Variants in SGCZ observed in about 807,000 individuals in gnomAD.
SGCZ encodes zeta-sarcoglycan.
In SGCZ, 40 loss-of-function variants were observed where a neutral mutation model predicts 41.3. The ratio of observed to expected loss-of-function variants is 0.97; its 90% CI spans 0.75 to 1.26. The LOEUF is 1.26. SGCZ is among the 50% of genes most tolerant of loss of function. The probability of loss-of-function intolerance (pLI) is 0.00; values close to 1 mark genes in which losing one functional copy is unlikely to be tolerated. For missense variants in SGCZ, 552 were observed against 369.8 expected, an observed-to-expected ratio of 1.49 and a Z score of -4.04; for synonymous variants, 206 against 137.5, an observed-to-expected ratio of 1.50 and a Z score of -3.49.
At chr8:14,546,240 A>G (rs911273692) in intron 2 of SGCZ, among the ~76,000 whole-genome samples, 2 of 152,122 alleles carry the variant, frequency 1.3e-5, no homozygotes, top group African/African-American at 4.8e-5. Flanking sequence ...ACGCCCTAGA[A>G]GGTGGAGCCC....
chr8:14,544,182 C>T (rs913284162), intron 2 of SGCZ, among the ~76,000 whole-genome samples: 1 of 152,110 alleles, frequency 6.6e-6, no homozygotes, highest in African/African-American at 2.4e-5. Flanking sequence ...GGACATTTAT[C>T]AGTTCCCAAA....
Position 15,183,243 on chromosome 8 carries a change from T to C in SGCZ, c.39+54342A>G, listed in dbSNP as rs148909434. Among the ~76,000 whole-genome samples the C allele has an allele frequency of 2.8e-3, 434 of 152,370 alleles. 3 individuals carry two copies. Among genetic ancestry groups the C allele is most frequent in the Non-Finnish European group, 4.4e-3 (301 of 68,032 alleles). ...CATAAACCAGTAACATAGTCATTTA[T>C]TATCAAGTATTATATACTGTACATA... On this transcript the variant is annotated intron_variant, in intron 1 of 7. Coordinates refer to ENST00000382080, the MANE Select transcript of SGCZ (RefSeq NM_139167.4).
intron 1 of SGCZ, among the ~76,000 whole-genome samples, chr8:15,199,018 A>G (rs1800817490): frequency 6.6e-6 from 1 of 152,184 alleles, no homozygotes; most frequent in Admixed American, 6.5e-5. Context: ...CTACCATATG[A>G]GAGTATTAAT....
At chr8:14,440,076 G>A (rs1800203517) in intron 2 of SGCZ, among the ~76,000 whole-genome samples, 1 of 151,692 alleles carries the variant, frequency 6.6e-6, no homozygotes, top group South Asian at 2.1e-4. Flanking sequence ...TATGATTTAG[G>A]TCCAACTGTG....
chr8:15,136,085 G>A (rs1808094907), intron 1 of SGCZ, among the ~76,000 whole-genome samples: 2 of 152,080 alleles, frequency 1.3e-5, no homozygotes. Context: ...TGGTGGGCAT[G>A]GCTTATGGAA....
intron 1 of SGCZ, among the ~76,000 whole-genome samples, chr8:14,712,728 C>T (rs1809561736): frequency 6.6e-6 from 1 of 152,092 alleles, no homozygotes; most frequent in African/African-American, 2.4e-5. Context: ...TTTTATTTTC[C>T]TGGTTATTTA....
At chr8:15,103,922 T>A (rs1371449217) in intron 1 of SGCZ, among the ~76,000 whole-genome samples, 1 of 152,180 alleles carries the variant, frequency 6.6e-6, no homozygotes. Context: ...AAGTGTTGAT[T>A]AGTGGAAACT....
At chr8:15,199,635 A>G (rs191302780) in intron 1 of SGCZ, among the ~76,000 whole-genome samples, 1 of 152,282 alleles carries the variant, frequency 6.6e-6, no homozygotes, top group Non-Finnish European at 1.5e-5. Flanking sequence ...TCCAGCTGAT[A>G]CCCCTCTACA....
chr8:14,246,623 A>G (rs545644255), intron 3 of SGCZ, among the ~76,000 whole-genome samples: 22 of 151,916 alleles, frequency 1.4e-4, no homozygotes, highest in African/African-American at 5.3e-4. Flanking sequence ...AATAAAAAGT[A>G]AAAGCTGGGC....
intron 1 of SGCZ, among the ~76,000 whole-genome samples, chr8:14,885,280 T>C (rs1294390228): frequency 2.0e-5 from 3 of 152,246 alleles, no homozygotes; most frequent in South Asian, 2.1e-4. Flanking sequence ...GCACAGTGGA[T>C]GATTCATAGT....
chr8:15,032,187 C>G (rs997700821), intron 1 of SGCZ, among the ~76,000 whole-genome samples: 6 of 152,040 alleles, frequency 3.9e-5, no homozygotes, highest in Non-Finnish European at 7.4e-5. Flanking sequence ...GCTCACACCC[C>G]ACAGAAACAT....
At chr8:15,020,356 G>C (rs1803205181) in intron 1 of SGCZ, among the ~76,000 whole-genome samples, 2 of 152,118 alleles carry the variant, frequency 1.3e-5, no homozygotes, top group Non-Finnish European at 2.9e-5. Flanking sequence ...TCTGTCCTAT[G>C]AAACAATACA....
intron 1 of SGCZ, among the ~76,000 whole-genome samples, chr8:15,194,065 T>C (rs1054661401): frequency 6.6e-6 from 1 of 152,170 alleles, no homozygotes; most frequent in African/African-American, 2.4e-5. Context: ...TTTTTCTTAA[T>C]AGAGTTTAAG....
At chr8:14,622,042 GT>G (rs1343422332) in intron 1 of SGCZ, among the ~76,000 whole-genome samples, 9 of 152,000 alleles carry the variant, frequency 5.9e-5, no homozygotes, top group African/African-American at 2.2e-4. Context: ...TATAAATGAT[GT>G]TTAGAGACCT....
chr8:14,255,047 G>A (rs78143304), intron 3 of SGCZ, among the ~76,000 whole-genome samples: 1,681 of 152,182 alleles, frequency 0.011, 36 homozygotes, highest in African/African-American at 0.038. Context: ...GGAGGTGGGT[G>A]GATGTCCTCT....
chr8:14,598,121 T>C (rs1298928864), intron 1 of SGCZ, among the ~76,000 whole-genome samples: 1 of 152,182 alleles, frequency 6.6e-6, no homozygotes. Flanking sequence ...CCACCTCAGA[T>C]AAAATGATTA....
At chr8:14,678,339 T>G (rs888419357) in intron 1 of SGCZ, among the ~76,000 whole-genome samples, 12 of 152,072 alleles carry the variant, frequency 7.9e-5, no homozygotes, top group Non-Finnish European at 1.6e-4. Context: ...ACTCTTAAAA[T>G]AAGAAATCAA....
intron 5 of SGCZ, among the ~76,000 whole-genome samples, chr8:14,117,892 T>C (rs796357306): frequency 1.8e-4 from 20 of 113,878 alleles, no homozygotes; most frequent in African/African-American, 5.2e-4. Context: ...GCTTCATCCA[T>C]GTCCCTGCAA....
At chr8:14,146,896 T>A (rs200972306) in intron 5 of SGCZ, among the ~76,000 whole-genome samples, 68,770 of 136,710 alleles carry the variant, frequency 0.5, 20,077 homozygotes, top group East Asian at 0.75. Context: ...AAAAAAATAA[T>A]AATAATAATA....
Sources: gnomAD v4.1 joint callset for allele counts (sites outside exome capture counted in the v4.1 genomes callset) on GRCh38, gnomAD v4.1.1 for gene constraint, MANE v1.5 for transcripts, NCBI Gene and HGNC (gene_info 2026-07-23, HGNC 2026-07-21) for gene names.